Variants in CAPZB observed in about 807,000 individuals in gnomAD.
CAPZB encodes F-actin-capping protein subunit beta.
Under a neutral mutation model 38.1 loss-of-function variants are expected in CAPZB, and 2 were observed. The observed-to-expected ratio is 0.05, with a 90% confidence interval of 0.02 to 0.17. CAPZB has a LOEUF of 0.17. Ranked by LOEUF, CAPZB falls within the 10% of genes least tolerant of loss-of-function variation. The probability of loss-of-function intolerance (pLI) is 1.00; values close to 1 mark genes in which losing one functional copy is unlikely to be tolerated. For synonymous variants in CAPZB, 107 were observed against 127.4 expected (o/e 0.84, Z 1.08); for missense variants, 161 against 334.2 (o/e 0.48, Z 4.04).
At chr1:19,389,620 G>T (rs2094222071) in intron 2 of CAPZB, among the ~76,000 whole-genome samples, 1 of 152,086 alleles carries the variant, frequency 6.6e-6, no homozygotes, top group Non-Finnish European at 1.5e-5. Flanking sequence ...TAAAGATGGG[G>T]TTTCACCACG....
intron 6 of CAPZB, among the ~76,000 whole-genome samples, chr1:19,345,714 C>T (rs1366696407): frequency 6.6e-6 from 1 of 152,264 alleles, no homozygotes; most frequent in East Asian, 1.9e-4. Flanking sequence ...CAAATGGTGG[C>T]TTTGGGGTGC....
At chr1:19,450,144 CAAAAAAAAAAAAAAAAAA>C (rs71008167) in intron 1 of CAPZB, among the ~76,000 whole-genome samples, 1 of 35,452 alleles carries the variant, frequency 2.8e-5, no homozygotes, top group Non-Finnish European at 6.3e-5. Context: ...ACCCTGTCTC[CAAAAAAAAAAAAAAAAAA>C]AAAAAAAGAA....
intron 1 of CAPZB, among the ~76,000 whole-genome samples, chr1:19,470,443 C>T (rs1464040222): frequency 6.6e-6 from 1 of 152,154 alleles, no homozygotes; most frequent in Non-Finnish European, 1.5e-5. Flanking sequence ...ACCCAATTGC[C>T]ACGAAGCTCT....
At chr1:19,426,984 G>A (rs1046021129) in intron 1 of CAPZB, among the ~76,000 whole-genome samples, 6 of 152,168 alleles carry the variant, frequency 3.9e-5, no homozygotes, top group Non-Finnish European at 7.4e-5. Context: ...TGGCCAGAGA[G>A]GAGGAGAGCC....
intron 4 of CAPZB, among the ~76,000 whole-genome samples, chr1:19,366,037 C>T (rs1402366018): frequency 7.0e-6 from 1 of 142,556 alleles, no homozygotes; most frequent in African/African-American, 2.5e-5. Context: ...TCAAACAGCT[C>T]CAACATGTAA....
At chr1:19,474,216 G>A (rs996267570) in intron 1 of CAPZB, among the ~76,000 whole-genome samples, 1 of 152,000 alleles carries the variant, frequency 6.6e-6, no homozygotes, top group Non-Finnish European at 1.5e-5. Flanking sequence ...GGCTGGTCTC[G>A]AACTCCTGGC....
At chr1:19,392,652 A>G (rs964845792) in intron 2 of CAPZB, among the ~76,000 whole-genome samples, 3 of 151,700 alleles carry the variant, frequency 2.0e-5, no homozygotes, top group Admixed American at 6.6e-5. Flanking sequence ...ATAGCCAGGC[A>G]TGGTGGCATG....
intron 4 of CAPZB, among the ~76,000 whole-genome samples, chr1:19,367,238 T>A (rs946126033): frequency 4.6e-5 from 7 of 152,164 alleles, no homozygotes; most frequent in African/African-American, 1.7e-4. Flanking sequence ...TCAAGATGCA[T>A]CTGGCAAACA....
intron 4 of CAPZB, among the ~76,000 whole-genome samples, chr1:19,364,871 GGGTCTCGTTCTCTTGCCCA>G (rs1415567430): frequency 6.6e-6 from 1 of 151,470 alleles, no homozygotes; most frequent in Non-Finnish European, 1.5e-5. Context: ...TTTTGAGACA[GGGTCTCGTTCTCTTGCCCA>G]GGTTGGAGTG....
chr1:19,340,488 T>G (rs1484320817), intron 8 of CAPZB, among the ~76,000 whole-genome samples: 4 of 152,302 alleles, frequency 2.6e-5, no homozygotes, highest in Admixed American at 2.6e-4. Flanking sequence ...CAAAACGCCT[T>G]TCACATATAT....
chr1:19,459,009 T>C (rs367977823), intron 1 of CAPZB, among the ~76,000 whole-genome samples: 2 of 152,188 alleles, frequency 1.3e-5, no homozygotes, highest in African/African-American at 4.8e-5. Flanking sequence ...GCAAAGTCTG[T>C]TGGCAGGAGA....
chr1:19,432,422 A>G (rs1188014782), intron 1 of CAPZB, among the ~76,000 whole-genome samples: 2 of 152,258 alleles, frequency 1.3e-5, no homozygotes, highest in East Asian at 3.8e-4. Context: ...AGCCTGGGTG[A>G]TAAGGTGAGA....
At chr1:19,351,126 G>A (rs1331421772) in intron 6 of CAPZB, among the ~76,000 whole-genome samples, 2 of 151,594 alleles carry the variant, frequency 1.3e-5, no homozygotes, top group South Asian at 2.1e-4. Flanking sequence ...GAGATTACAG[G>A]TGCATGCCAC....
chr1:19,342,693 C>A (rs975890814), intron 8 of CAPZB: 12 of 1,045,918 alleles, frequency 1.1e-5, no homozygotes, highest in Non-Finnish European at 1.8e-5. Flanking sequence ...GGCAGGGTCT[C>A]GGCGGGTTGG....
intron 2 of CAPZB, among the ~76,000 whole-genome samples, chr1:19,392,637 T>A (rs1158613167): frequency 1.3e-5 from 2 of 148,624 alleles, no homozygotes; most frequent in African/African-American, 2.5e-5. Context: ...ATAATAATAA[T>A]AAAAATAGCC....
At chr1:19,459,936 C>G (rs1032821444) in intron 1 of CAPZB, among the ~76,000 whole-genome samples, 5 of 152,138 alleles carry the variant, frequency 3.3e-5, no homozygotes, top group Admixed American at 2.0e-4. Context: ...TCCTTGTGTT[C>G]AAGTCACCCT....
intron 1 of CAPZB, among the ~76,000 whole-genome samples, chr1:19,473,776 A>G (rs2094597693): frequency 6.6e-6 from 1 of 152,174 alleles, no homozygotes; most frequent in African/African-American, 2.4e-5. Flanking sequence ...AGGCAGGAGA[A>G]TCACTTGAAC....
chr1:19,352,437 G>A (rs1203674455), intron 6 of CAPZB, among the ~76,000 whole-genome samples: 13 of 152,230 alleles, frequency 8.5e-5, no homozygotes, highest in Non-Finnish European at 1.5e-4. Flanking sequence ...GGAAACCTTG[G>A]ATCTCTTTCC....
intron 1 of CAPZB, among the ~76,000 whole-genome samples, chr1:19,463,983 G>A (rs1218086877): frequency 6.0e-5 from 9 of 150,032 alleles, no homozygotes; most frequent in Non-Finnish European, 1.2e-4. Flanking sequence ...AGTTTGAGCC[G>A]GGCCAACATG....
Sources: gnomAD v4.1 joint callset for allele counts (sites outside exome capture counted in the v4.1 genomes callset) on GRCh38, gnomAD v4.1.1 for gene constraint, MANE v1.5 for transcripts, NCBI Gene and HGNC (gene_info 2026-07-23, HGNC 2026-07-21) for gene names.